Variants in HGF observed in about 807,000 individuals in gnomAD.
HGF encodes the protein hepatocyte growth factor.
HGF carries 39 observed loss-of-function variants against 111.6 expected under a neutral mutation model. That is an observed-to-expected ratio of 0.35 (90% CI 0.27 to 0.46). The LOEUF is 0.46. Among genes scored for constraint, HGF ranks in the 20% least tolerant of loss-of-function variants. HGF has a pLI of 1.00. For synonymous variants in HGF, 285 were observed against 294.8 expected, an observed-to-expected ratio of 0.97 and a Z score of 0.34; for missense variants, 735 against 910.5, an observed-to-expected ratio of 0.81 and a Z score of 2.48.
intron 7 of HGF, among the ~76,000 whole-genome samples, chr7:81,732,564 G>A (rs73381145): frequency 0.014 from 2,196 of 152,198 alleles, 60 homozygotes; most frequent in African/African-American, 0.05. Flanking sequence ...TTACAGAAAT[G>A]ACCCATGATA....
chr7:81,711,254 T>C (rs1028466497), intron 12 of HGF, among the ~76,000 whole-genome samples: 2 of 152,230 alleles, frequency 1.3e-5, no homozygotes, highest in East Asian at 3.8e-4. Flanking sequence ...TACCATCTTA[T>C]AGATTTTTTG....
chr7:81,740,604 T>C (rs574906261), intron 7 of HGF, among the ~76,000 whole-genome samples: 3 of 152,332 alleles, frequency 2.0e-5, no homozygotes, highest in South Asian at 2.1e-4. Context: ...CTAATTAGGT[T>C]AGCTCTTTAA....
chr7:81,735,958 C>A (rs1787811297), intron 7 of HGF, among the ~76,000 whole-genome samples: 1 of 152,032 alleles, frequency 6.6e-6, no homozygotes, highest in Non-Finnish European at 1.5e-5. Flanking sequence ...CTCATGACCT[C>A]ATTTAACATT....
intron 7 of HGF, among the ~76,000 whole-genome samples, chr7:81,737,197 A>T (rs982665482): frequency 4.6e-5 from 7 of 152,026 alleles, no homozygotes; most frequent in Admixed American, 3.3e-4. Flanking sequence ...TAAACTGGGC[A>T]AATAATAGAG....
At chr7:81,768,049 G>T (rs1329804307) in intron 1 of HGF, among the ~76,000 whole-genome samples, 1 of 152,090 alleles carries the variant, frequency 6.6e-6, no homozygotes, top group Non-Finnish European at 1.5e-5. Context: ...GACTCTCCTT[G>T]CCTGCCAGCA....
At chr7:81,736,736 C>T in intron 7 of HGF, 1 of 475,244 alleles carries the variant, frequency 2.1e-6, no homozygotes, top group African/African-American at 2.0e-5. Context: ...ATCATTGTGG[C>T]TGGAACAGAC....
At chr7:81,761,950 T>A (rs1789105502) in intron 2 of HGF, among the ~76,000 whole-genome samples, 1 of 152,130 alleles carries the variant, frequency 6.6e-6, no homozygotes, top group African/African-American at 2.4e-5. Flanking sequence ...GAATCTAATG[T>A]GGCAGATCCA....
At chr7:81,751,645 T>C in intron 5 of HGF, 1 of 996,936 alleles carries the variant, frequency 1.0e-6, no homozygotes, top group Non-Finnish European at 1.2e-6. Flanking sequence ...AAGCTTCCAG[T>C]GATCCCTTCT....
chr7:81,750,397 T>G (rs913712156), intron 5 of HGF, among the ~76,000 whole-genome samples: 1 of 152,146 alleles, frequency 6.6e-6, no homozygotes, highest in Non-Finnish European at 1.5e-5. Context: ...GTCTGCAACC[T>G]TTGGTGCCGC....
intron 10 of HGF, among the ~76,000 whole-genome samples, chr7:81,719,218 T>G: frequency 6.6e-6 from 1 of 152,236 alleles, no homozygotes; most frequent in East Asian, 1.9e-4. Context: ...ACTCATCATG[T>G]ACATCCCAGC....
intron 11 of HGF, 48 bp downstream of exon 11, chr7:81,717,184 A>T: frequency 6.4e-7 from 1 of 1,569,788 alleles, no homozygotes; most frequent in Non-Finnish European, 8.8e-7. Flanking sequence ...GATGAAATGT[A>T]GTACATTTAA....
intron 7 of HGF, among the ~76,000 whole-genome samples, chr7:81,742,129 T>A (rs1396104089): frequency 6.6e-6 from 1 of 152,158 alleles, no homozygotes; most frequent in Non-Finnish European, 1.5e-5. Context: ...AGTCATCTTT[T>A]ATTTTAAAGG....
Position 81,762,607 on chromosome 7 carries a change from A to G in HGF, c.254+100T>C, listed in dbSNP as rs557205393. On this transcript the variant is annotated intron_variant, in intron 2 of 17. Transcript: ENST00000222390. ...AATCTAGAGTCAAACTTACAATTTTATGATCAAATCACATTGACTACAACA... is the reference window on the plus strand; with the variant it reads ...AATCTAGAGTCAAACTTACAATTTTGTGATCAAATCACATTGACTACAACA... The G allele has an allele frequency of 2.6e-5, 24 of 939,570 alleles. No homozygotes were observed. The South Asian group carries it at 2.9e-4, about 12-fold the overall frequency. The allele number at this position is 939,570 out of a possible 1,614,324, so 58.2% of individuals were successfully genotyped here. A position where few individuals can be genotyped will look rare whatever the true frequency, so the allele number is the denominator to read the frequency against.
chr7:81,711,832 C>T (rs779101080), intron 11 of HGF, among the ~76,000 whole-genome samples: 3 of 152,092 alleles, frequency 2.0e-5, no homozygotes, highest in African/African-American at 2.4e-5. Flanking sequence ...TTAGTAGAGA[C>T]GGGATTTCGC....
intron 11 of HGF, among the ~76,000 whole-genome samples, chr7:81,713,607 T>G (rs1465055998): frequency 6.6e-6 from 1 of 152,148 alleles, no homozygotes; most frequent in Non-Finnish European, 1.5e-5. Context: ...GTATATGTTT[T>G]GCTTTCTCTA....
intron 7 of HGF, among the ~76,000 whole-genome samples, chr7:81,741,462 C>T (rs886485061): frequency 1.3e-5 from 2 of 151,972 alleles, no homozygotes; most frequent in African/African-American, 4.8e-5. Flanking sequence ...CTCTCAGTCT[C>T]TTTTTAAAAA....
Position 81,732,654 on chromosome 7 carries a change from G to A in HGF, c.866-2875C>T, listed in dbSNP as rs149231952. On this transcript the variant is annotated intron_variant, in intron 7 of 17. Coordinates refer to ENST00000222390, the MANE Select transcript of HGF (RefSeq NM_000601.6). ...ACCTTATAAAAATGGAGACAGTAAG[G>A]TAGACATAGGTTATCACAATTCATT... 3.7e-3 allele frequency among the ~76,000 whole-genome samples: 564 copies of A among 152,206 alleles called. 4 individuals carry two copies. Among genetic ancestry groups the A allele is most frequent in the Non-Finnish European group, 5.5e-3 (376 of 67,994 alleles).
chr7:81,751,000 A>G (rs1788471908), intron 5 of HGF: 4 of 978,264 alleles, frequency 4.1e-6, no homozygotes, highest in Non-Finnish European at 4.9e-6. Context: ...ATTTACAAAC[A>G]GAGATGGAAC....
intron 5 of HGF, among the ~76,000 whole-genome samples, chr7:81,749,881 A>G (rs1788421328): frequency 6.6e-6 from 1 of 152,028 alleles, no homozygotes; most frequent in African/African-American, 2.4e-5. Context: ...AAAAATATAT[A>G]CTGTTCTATA....
Sources: gnomAD v4.1 joint callset for allele counts (sites outside exome capture counted in the v4.1 genomes callset) on GRCh38, gnomAD v4.1.1 for gene constraint, MANE v1.5 for transcripts, NCBI Gene and HGNC (gene_info 2026-07-23, HGNC 2026-07-21) for gene names.